CT55: variants seen among roughly 807,000 people sequenced by gnomAD.
CT55 encodes cancer/testis antigen 55.
In CT55, 1 loss-of-function variant was observed where a neutral mutation model predicts 12.6. The observed-to-expected ratio is 0.08, with a 90% CI of 0.03 to 0.38. The LOEUF (loss-of-function observed/expected upper bound fraction) is 0.38. CT55 is among the 10% of genes least tolerant of loss of function. The pLI is 0.99. For synonymous variants in CT55, 43 were observed against 49.7 expected (o/e 0.87, Z 0.57); for missense variants, 109 against 135.4 (o/e 0.80, Z 0.97).
At chrX:135,160,278 C>T in intron 3 of CT55, 133 bp downstream of exon 3, 19 of 629,292 alleles carry the variant, frequency 3.0e-5, no homozygotes, top group South Asian at 3.8e-5. Flanking sequence ...TACTTAATTT[C>T]GATTGGAACA....
intron 2 of CT55, among the ~76,000 whole-genome samples, chrX:135,161,282 T>A (rs2083561348): frequency 9.0e-6 from 1 of 111,672 alleles, no homozygotes; most frequent in African/African-American, 3.3e-5. Flanking sequence ...CTTACAAAAA[T>A]AGTGTAAGCT....
At chrX:135,161,544 G>A (rs1217406486) in intron 2 of CT55, among the ~76,000 whole-genome samples, 7 of 112,116 alleles carry the variant, frequency 6.2e-5, no homozygotes, top group South Asian at 7.4e-4. Flanking sequence ...AAGAGAGGAC[G>A]GAAAGAGTCA....
intron 1 of CT55, 24 bp downstream of exon 1, chrX:135,171,054 A>G (rs1556406731): frequency 4.1e-6 from 5 of 1,207,620 alleles, no homozygotes; most frequent in Non-Finnish European, 5.6e-6. Flanking sequence ...GGGGTGGGGG[A>G]CAAGGGGACA....
chrX:135,171,417 G>A (rs1556406831), upstream of CT55: 3 of 479,738 alleles, frequency 6.3e-6, no homozygotes, highest in South Asian at 1.7e-4. Flanking sequence ...GCTCGTCAGG[G>A]CCCGCCTCTA....
chrX:135,162,187 T>G (rs1292113834), intron 2 of CT55, among the ~76,000 whole-genome samples: 1 of 112,800 alleles, frequency 8.9e-6, no homozygotes, highest in Non-Finnish European at 1.9e-5. Context: ...AAGATGTGGA[T>G]CCTTCTCTCA....
At chrX:135,168,832 C>T (rs781877834) in intron 2 of CT55, among the ~76,000 whole-genome samples, 19 of 112,179 alleles carry the variant, frequency 1.7e-4, no homozygotes, top group Non-Finnish European at 3.2e-4. Context: ...ACAAACTTTC[C>T]TATTACAAAT....
intron 2 of CT55, among the ~76,000 whole-genome samples, chrX:135,168,819 TA>T (rs1556406358): frequency 8.9e-6 from 1 of 112,217 alleles, no homozygotes; most frequent in Admixed American, 9.4e-5. Flanking sequence ...AAGGGCTTCA[TA>T]CACAAACTTT....
In CT55 at chrX:135,158,989, G is replaced by T. The variant is rs188471061; in HGVS notation, c.425-678C>A. Among the ~76,000 whole-genome samples, 72 of 112,295 alleles carry T rather than the reference G, an allele frequency of 6.4e-4. 1 individual carries two copies. Among genetic ancestry groups the T allele is most frequent in the African/African-American group, 1.9e-3 (59 of 30,930 alleles). On this transcript the variant is annotated intron_variant, in intron 3 of 5. Transcript: ENST00000276241. ...TTAAGTATGTGCCTTACAGGTTACAGTTAAGACCATCAAGTTTCAAACAGA... is the reference window on the plus strand; with the variant it reads ...TTAAGTATGTGCCTTACAGGTTACATTTAAGACCATCAAGTTTCAAACAGA...
Position 135,161,356 on chromosome X carries a change from C to G in CT55, c.280-801G>C, listed in dbSNP as rs57055130. 0.012 allele frequency among the ~76,000 whole-genome samples: 1,378 copies of G among 111,834 alleles called. 56 individuals carry two copies. In the East Asian group the frequency reaches 0.19, roughly 15 times the overall value. ...CAGCAAAAAGCAGTTACCCCACAAT[C>G]CATAATTCATTACCAAGAGATCACC... On this transcript the variant is annotated intron_variant, in intron 2 of 5. Transcript: ENST00000276241.
chrX:135,159,954 A>C (rs1412091888), intron 3 of CT55, among the ~76,000 whole-genome samples: 1 of 111,134 alleles, frequency 9.0e-6, no homozygotes, highest in Non-Finnish European at 1.9e-5. Flanking sequence ...ACACACACAA[A>C]CAGACAACCA....
At chrX:135,160,284 G>A (rs2083557155) in intron 3 of CT55, 127 bp downstream of exon 3, 2 of 669,381 alleles carry the variant, frequency 3.0e-6, no homozygotes, top group South Asian at 7.0e-5. Flanking sequence ...ATTTCGATTG[G>A]AACAGTCTAC....
At chrX:135,168,798 C>T (rs7062590) in intron 2 of CT55, among the ~76,000 whole-genome samples, 32,204 of 110,840 alleles carry the variant, frequency 0.29, 4,411 homozygotes, top group Non-Finnish European at 0.43. Flanking sequence ...TGGTATCAGA[C>T]GAAATACTAC....
intron 2 of CT55, among the ~76,000 whole-genome samples, chrX:135,168,333 G>A (rs2083594854): frequency 8.9e-6 from 1 of 112,043 alleles, no homozygotes; most frequent in African/African-American, 3.2e-5. Context: ...AGTGAGATAA[G>A]CCAGTCACAC....
chrX:135,167,358 C>T (rs1556406182), intron 2 of CT55, among the ~76,000 whole-genome samples: 1 of 112,032 alleles, frequency 8.9e-6, no homozygotes, highest in Non-Finnish European at 1.9e-5. Context: ...AAAGTACAGT[C>T]TCTTCAATAA....
Position 135,169,492 on chromosome X carries a change from T to A in CT55, c.279+102A>T. ...TTCAAATTGCAGTCTACATCCACTCTACGGATCACAGCAGAGATGTCGGAT... is the reference window on the plus strand; with the variant it reads ...TTCAAATTGCAGTCTACATCCACTCAACGGATCACAGCAGAGATGTCGGAT... On this transcript the variant is annotated intron_variant, in intron 2 of 5. Transcript: ENST00000276241. The A allele has an allele frequency of 1.3e-5, 8 of 622,796 alleles. No homozygotes were observed. In the South Asian group the frequency reaches 3.0e-4, roughly 23 times the overall value. 51.3% of individuals were successfully genotyped at this position (622,796 alleles called of 1,213,427 possible).
chrX:135,169,238 A>G (rs2083599808), intron 2 of CT55, among the ~76,000 whole-genome samples: 1 of 112,535 alleles, frequency 8.9e-6, no homozygotes, highest in Non-Finnish European at 1.9e-5. Context: ...TAAAATATTT[A>G]CAATGCACAT....
chrX:135,169,526 G>T, intron 2 of CT55, 68 bp downstream of exon 2: 1 of 926,362 alleles, frequency 1.1e-6, no homozygotes, highest in Non-Finnish European at 1.5e-6. Flanking sequence ...ATTAACTCAA[G>T]AAAAGAAAGA....
rs782452414 is a variant in CT55, at chrX:135,171,068, A to G, written c.94+10T>C. 75 of 1,208,452 alleles carry G rather than the reference A, an allele frequency of 6.2e-5. No individual in the cohort carries two copies. The South Asian group carries it at 1.2e-3, about 19-fold the overall frequency. On this transcript the variant is annotated intron_variant, in intron 1 of 5. Coordinates refer to ENST00000276241, the MANE Select transcript of CT55 (RefSeq NM_001031705.3). ...TGGGGTGGGGGACAAGGGGACACAC[A>G]GAGGAATACCTTGTGGGAGGCCCTG...
intron 2 of CT55, among the ~76,000 whole-genome samples, chrX:135,168,510 C>T (rs367679969): frequency 1.8e-5 from 2 of 111,341 alleles, no homozygotes; most frequent in Non-Finnish European, 3.8e-5. Context: ...ATAGAAGGAA[C>T]CTTTTTTAAC....
Sources: gnomAD v4.1 joint callset for allele counts (sites outside exome capture counted in the v4.1 genomes callset) on GRCh38, gnomAD v4.1.1 for gene constraint, MANE v1.5 for transcripts, NCBI Gene and HGNC (gene_info 2026-07-23, HGNC 2026-07-21) for gene names.